The following NFIA variants were observed in gnomAD, a reference collection of about 807,000 sequenced individuals.
The protein encoded by NFIA is nuclear factor 1 A-type.
Under a neutral mutation model 62.8 loss-of-function variants are expected in NFIA, and 8 were observed. The observed-to-expected ratio is 0.13, with a 90% CI of 0.07 to 0.23. The LOEUF (loss-of-function observed/expected upper bound fraction) is 0.23, where lower values mean the gene tolerates loss of function less well. Ranked by LOEUF, NFIA falls within the 10% of genes least tolerant of loss-of-function variation. The pLI is 1.00. For missense variants in NFIA, 410 were observed against 642.1 expected (o/e 0.64, Z 3.91); for synonymous variants, 235 against 238.1 (o/e 0.99, Z 0.12).
intron 4 of NFIA, among the ~76,000 whole-genome samples, chr1:61,340,201 A>G (rs1274583525): frequency 6.6e-6 from 1 of 152,230 alleles, no homozygotes; most frequent in Non-Finnish European, 1.5e-5. Context: ...GGGGAGAAAC[A>G]CAACATACCC....
rs10635152 is a variant in NFIA at position 61,128,915 on chromosome 1, GTTTTTTTTTTT to G, written c.559+40250_559+40260del. Reference sequence around the variant, plus strand: ...CCAGCCAATGGTGATGCTTACTTATGTTTTTTTTTTTTTTTTTTTTTTTTTGAGACGGAGTC... The same window carrying G: ...CCAGCCAATGGTGATGCTTACTTATGTTTTTTTTTTTTTTGAGACGGAGTC... On this transcript the variant is annotated intron_variant, in intron 2 of 10. Coordinates refer to ENST00000403491, the MANE Select transcript of NFIA (RefSeq NM_001134673.4). Among the ~76,000 whole-genome samples, 7 of 74,138 alleles carry G rather than the reference GTTTTTTTTTTT, an allele frequency of 9.4e-5. No homozygotes were observed. In the South Asian group the frequency reaches 3.3e-3, roughly 35 times the overall value. 48.6% of individuals were successfully genotyped at this position (74,138 alleles called of 152,430 possible).
intron 2 of NFIA, among the ~76,000 whole-genome samples, chr1:61,208,617 C>G (rs1653044091): frequency 6.6e-6 from 1 of 152,096 alleles, no homozygotes; most frequent in African/African-American, 2.4e-5. Flanking sequence ...AGTTTGCTGT[C>G]TGTACAATAG....
chr1:61,243,657 G>A (rs1287583030), intron 2 of NFIA, among the ~76,000 whole-genome samples: 6 of 151,962 alleles, frequency 3.9e-5, no homozygotes, highest in Non-Finnish European at 7.4e-5. Flanking sequence ...TTACTTATTC[G>A]TAACAAGTTA....
chr1:61,369,219 A>G (rs1010171033), intron 6 of NFIA, among the ~76,000 whole-genome samples: 2 of 152,210 alleles, frequency 1.3e-5, no homozygotes, highest in Non-Finnish European at 2.9e-5. Context: ...TGCATATACA[A>G]AAATACAGTT....
intron 2 of NFIA, among the ~76,000 whole-genome samples, chr1:61,108,973 G>C (rs1646650421): frequency 6.6e-6 from 1 of 151,660 alleles, no homozygotes; most frequent in Non-Finnish European, 1.5e-5. Flanking sequence ...AGGTATTTCA[G>C]GGAAAAGAAT....
chr1:61,257,450 G>A (rs1259176698), intron 2 of NFIA, among the ~76,000 whole-genome samples: 2 of 139,966 alleles, frequency 1.4e-5, no homozygotes, highest in Non-Finnish European at 3.0e-5. Context: ...CAATTCTCCT[G>A]ACTCAGGCTC....
intron 2 of NFIA, among the ~76,000 whole-genome samples, chr1:61,103,058 G>A (rs921416858): frequency 6.6e-6 from 1 of 152,152 alleles, no homozygotes; most frequent in Non-Finnish European, 1.5e-5. Context: ...TTCAATAAGG[G>A]TAAGTGTATT....
intron 2 of NFIA, among the ~76,000 whole-genome samples, chr1:61,218,775 G>A (rs1653813820): frequency 6.6e-6 from 1 of 152,206 alleles, no homozygotes; most frequent in South Asian, 2.1e-4. Context: ...CCAATTCTGT[G>A]ATGGTCACTG....
intron 6 of NFIA, among the ~76,000 whole-genome samples, chr1:61,365,199 A>G (rs1344900013): frequency 6.6e-6 from 1 of 152,152 alleles, no homozygotes; most frequent in Non-Finnish European, 1.5e-5. Flanking sequence ...AAGAAAAGAG[A>G]AACAAACAGA....
intron 2 of NFIA, among the ~76,000 whole-genome samples, chr1:61,233,158 T>C (rs917506968): frequency 1.3e-5 from 2 of 152,220 alleles, no homozygotes; most frequent in African/African-American, 4.8e-5. Context: ...ACTATATTCT[T>C]GTCTAAGCTA....
At chr1:61,164,814 TC>T (rs1008734199) in intron 2 of NFIA, among the ~76,000 whole-genome samples, 1 of 152,114 alleles carries the variant, frequency 6.6e-6, no homozygotes, top group Non-Finnish European at 1.5e-5. Context: ...AAGTGGGAAA[TC>T]ATTGTTGCAC....
intron 3 of NFIA, among the ~76,000 whole-genome samples, chr1:61,285,123 T>A (rs1658400589): frequency 6.6e-6 from 1 of 152,166 alleles, no homozygotes; most frequent in Admixed American, 6.5e-5. Context: ...GTGCACCTGG[T>A]GTTTGGCTAC....
intron 2 of NFIA, among the ~76,000 whole-genome samples, chr1:61,179,619 G>A (rs1293308918): frequency 6.6e-6 from 1 of 152,152 alleles, no homozygotes; most frequent in Admixed American, 6.5e-5. Context: ...TGCTTTACAA[G>A]ACACACCTGA....
upstream of NFIA, among the ~76,000 whole-genome samples, chr1:61,078,043 T>A (rs1223516792): frequency 6.6e-6 from 1 of 152,060 alleles, no homozygotes; most frequent in Non-Finnish European, 1.5e-5. Context: ...AATTGACGAT[T>A]TGATCCTCTA....
chr1:61,433,206 A>G (rs907049789), intron 10 of NFIA, among the ~76,000 whole-genome samples: 1 of 152,260 alleles, frequency 6.6e-6, no homozygotes, highest in Middle Eastern at 3.4e-3. Context: ...CGTTCTTCTG[A>G]AGATCTGCCC....
chr1:61,394,685 C>A (rs1391244429), intron 7 of NFIA, among the ~76,000 whole-genome samples: 1 of 152,138 alleles, frequency 6.6e-6, no homozygotes, highest in African/African-American at 2.4e-5. Context: ...GGTACCCTGA[C>A]TTTAATCACT....
intron 2 of NFIA, among the ~76,000 whole-genome samples, chr1:61,220,712 T>C (rs1653964243): frequency 1.3e-5 from 2 of 152,214 alleles, no homozygotes; most frequent in Non-Finnish European, 2.9e-5. Flanking sequence ...TACTTGGCTT[T>C]GCCTAAATAG....
intron 2 of NFIA, among the ~76,000 whole-genome samples, chr1:61,131,952 C>T (rs905868013): frequency 1.3e-5 from 2 of 152,202 alleles, no homozygotes; most frequent in African/African-American, 4.8e-5. Flanking sequence ...AAAACCTCTA[C>T]AGCTGATACT....
intron 10 of NFIA, among the ~76,000 whole-genome samples, chr1:61,437,236 C>G (rs1165166657): frequency 1.3e-5 from 2 of 152,190 alleles, no homozygotes; most frequent in Admixed American, 1.3e-4. Context: ...CTCTCAAGCG[C>G]AGTCTTCCTT....
Sources: gnomAD v4.1 joint callset for allele counts (sites outside exome capture counted in the v4.1 genomes callset) on GRCh38, gnomAD v4.1.1 for gene constraint, MANE v1.5 for transcripts, NCBI Gene and HGNC (gene_info 2026-07-23, HGNC 2026-07-21) for gene names.